SLC25A43: variants seen among roughly 807,000 people sequenced by gnomAD.
SLC25A43 encodes solute carrier family 25, member 43.
A neutral mutation model predicts 22.8 loss-of-function variants in SLC25A43; 10 were observed. The observed-to-expected ratio is 0.44, with a 90% CI of 0.27 to 0.74. The LOEUF (loss-of-function observed/expected upper bound fraction) is 0.74. Ranked by LOEUF, SLC25A43 falls within the 30% of genes least tolerant of loss-of-function variation. The pLI is 0.17. For missense variants in SLC25A43, 233 were observed against 279.1 expected (o/e 0.83, Z 1.18); for synonymous variants, 106 against 121.6 (o/e 0.87, Z 0.84).
intron 3 of SLC25A43, among the ~76,000 whole-genome samples, chrX:119,422,355 G>A (rs140299551): frequency 9.2e-4 from 103 of 111,527 alleles, no homozygotes; most frequent in Middle Eastern, 4.6e-3. Flanking sequence ...TATCAAAGCC[G>A]CCTCCTGAAG....
intron 3 of SLC25A43, among the ~76,000 whole-genome samples, chrX:119,414,083 A>C (rs1427556847): frequency 8.9e-6 from 1 of 112,287 alleles, no homozygotes. Flanking sequence ...ATATTCATTG[A>C]TATTAATTAT....
At position 119,410,300 on chromosome X, in the gene SLC25A43, C is replaced by T; in HGVS notation, c.628C>T (p.Leu210=). The T allele has an allele frequency of 8.3e-7, 1 of 1,211,059 alleles. No homozygotes were observed. Among genetic ancestry groups the T allele is most frequent in the Non-Finnish European group, 1.1e-6 (1 of 895,208 alleles). The change falls in exon 3 of 5, where the codon CTG becomes TTG. Residue 210 remains leucine (L), a synonymous_variant. Coordinates refer to ENST00000217909, the MANE Select transcript of SLC25A43 (RefSeq NM_145305.3). The part of the protein sequence containing the change: ...SLPQNFANVC[L]AAAVTQTLSF... ...CCCACAGAACTTTGCTAATGTCTGT[C>T]TGGCTGCTGCAGTGACCCAGACCCT...
chrX:119,403,462 G>C (rs2052256517), intron 1 of SLC25A43, among the ~76,000 whole-genome samples: 1 of 111,155 alleles, frequency 9.0e-6, no homozygotes, highest in Non-Finnish European at 1.9e-5. Flanking sequence ...GCTAATTTTT[G>C]TATTTTCAGT....
intron 2 of SLC25A43, among the ~76,000 whole-genome samples, chrX:119,409,593 A>G (rs1277355776): frequency 9.4e-6 from 1 of 106,799 alleles, no homozygotes; most frequent in African/African-American, 3.4e-5. Context: ...CATGTGTGTC[A>G]TTAACTAGAG....
At chrX:119,416,368 T>C (rs2052402198) in intron 3 of SLC25A43, among the ~76,000 whole-genome samples, 3 of 111,456 alleles carry the variant, frequency 2.7e-5, no homozygotes. Context: ...TGCAGGCATG[T>C]GCCACCACGC....
chrX:119,402,332 A>G (rs185679497), intron 1 of SLC25A43, among the ~76,000 whole-genome samples: 1 of 111,795 alleles, frequency 8.9e-6, no homozygotes, highest in East Asian at 2.8e-4. Context: ...CACAGCAGAA[A>G]TATCTGCTTA....
intron 3 of SLC25A43, chrX:119,423,321 G>T (rs2052471353): frequency 1.8e-5 from 2 of 111,639 alleles, no homozygotes; most frequent in Admixed American, 1.9e-4. Flanking sequence ...ACGGAGGTCA[G>T]GAGTTTGAGA....
chrX:119,447,312 C>G (rs1412700950), intron 3 of SLC25A43, among the ~76,000 whole-genome samples: 1 of 110,052 alleles, frequency 9.1e-6, no homozygotes, highest in African/African-American at 3.3e-5. Flanking sequence ...ATAAACTTCT[C>G]TTTTATTTTT....
intron 3 of SLC25A43, among the ~76,000 whole-genome samples, chrX:119,421,925 T>C (rs757872544): frequency 8.9e-6 from 1 of 111,752 alleles, no homozygotes; most frequent in South Asian, 3.7e-4. Context: ...CACCCCCTTT[T>C]TATTTTTGAG....
chrX:119,451,152 G>A (rs1222512498), intron 3 of SLC25A43, among the ~76,000 whole-genome samples: 2 of 104,620 alleles, frequency 1.9e-5, no homozygotes, highest in Non-Finnish European at 3.9e-5. Flanking sequence ...AACAGAGTGT[G>A]AGACTCTGTC....
chrX:119,431,249 G>A (rs1006017271), intron 3 of SLC25A43, among the ~76,000 whole-genome samples: 1 of 112,331 alleles, frequency 8.9e-6, no homozygotes, highest in African/African-American at 3.2e-5. Context: ...CAGGCGCAGT[G>A]GCTCATGCCT....
At chrX:119,409,242 G>A (rs1281537948) in intron 2 of SLC25A43, among the ~76,000 whole-genome samples, 1 of 109,139 alleles carries the variant, frequency 9.2e-6, no homozygotes, top group Non-Finnish European at 1.9e-5. Context: ...GTGCAGTGGT[G>A]CAATCTCGGC....
intron 3 of SLC25A43, among the ~76,000 whole-genome samples, chrX:119,420,454 A>G (rs1274668451): frequency 1.8e-5 from 2 of 109,873 alleles, no homozygotes; most frequent in Admixed American, 9.7e-5. Context: ...TGCGCCACCT[A>G]TGCCTGACTA....
In SLC25A43 at chrX:119,428,547, T is replaced by C. The variant is rs1352055377; in HGVS notation, c.690+18185T>C. On this transcript the variant is annotated intron_variant, in intron 3 of 4. Transcript: ENST00000217909. Reference sequence around the variant, plus strand: ...TATGACATAGTATTCAACGGTATGATATACTATTTATTTAACTAGTCCCTG... The same window carrying C: ...TATGACATAGTATTCAACGGTATGACATACTATTTATTTAACTAGTCCCTG... Among the ~76,000 whole-genome samples the C allele has an allele frequency of 2.7e-5, 3 of 112,793 alleles. No individual in the cohort carries two copies. The East Asian group carries it at 8.3e-4, about 31-fold the overall frequency.
intron 2 of SLC25A43, among the ~76,000 whole-genome samples, chrX:119,408,336 C>T (rs2052316080): frequency 9.0e-6 from 1 of 111,731 alleles, no homozygotes; most frequent in Non-Finnish European, 1.9e-5. Context: ...TCCTCAAGAC[C>T]CAGTTCAAAA....
At chrX:119,407,830 A>G (rs2052311610) in intron 2 of SLC25A43, among the ~76,000 whole-genome samples, 1 of 110,896 alleles carries the variant, frequency 9.0e-6, no homozygotes, top group South Asian at 3.9e-4. Context: ...AAGCCAGAAA[A>G]AAAAGCCTAG....
intron 1 of SLC25A43, among the ~76,000 whole-genome samples, chrX:119,402,773 A>G (rs2052250214): frequency 9.0e-6 from 1 of 111,348 alleles, no homozygotes; most frequent in Admixed American, 9.6e-5. Context: ...CTAGCAAATC[A>G]AAAGTTTAAG....
At chrX:119,399,712 C>T (rs2052219584) in intron 1 of SLC25A43, 34 bp downstream of exon 1, 1 of 986,011 alleles carries the variant, frequency 1.0e-6, no homozygotes, top group Non-Finnish European at 1.3e-6. Flanking sequence ...AACCGGGAGA[C>T]CGGACGGGGG....
chrX:119,422,933 T>G (rs1177187524), intron 3 of SLC25A43: 1 of 112,012 alleles, frequency 8.9e-6, no homozygotes, highest in Non-Finnish European at 1.9e-5. Context: ...TCCTGGCGCT[T>G]TGTATGGTGG....
Sources: gnomAD v4.1 joint callset for allele counts (sites outside exome capture counted in the v4.1 genomes callset) on GRCh38, gnomAD v4.1.1 for gene constraint, MANE v1.5 for transcripts, NCBI Gene and HGNC (gene_info 2026-07-23, HGNC 2026-07-21) for gene names.